CROT: variants seen among roughly 807,000 people sequenced by gnomAD.
CROT encodes carnitine O-octanoyltransferase, also known as peroxisomal carnitine O-octanoyltransferase.
In CROT, 84 loss-of-function variants were observed where a neutral mutation model predicts 89.2. That is an observed-to-expected ratio of 0.94 (90% confidence interval 0.79 to 1.13). The LOEUF (loss-of-function observed/expected upper bound fraction) is 1.13, where lower values mean the gene tolerates loss of function less well. Ranked by LOEUF, CROT falls within the 50% of genes most tolerant of loss-of-function variation. CROT has a pLI of 0.00. For synonymous variants in CROT, 212 were observed against 239.5 expected, an observed-to-expected ratio of 0.89 and a Z score of 1.06; for missense variants, 711 against 727.8, an observed-to-expected ratio of 0.98 and a Z score of 0.27.
chr7:87,379,478 C>A (rs576479333), intron 10 of CROT, among the ~76,000 whole-genome samples: 1 of 152,246 alleles, frequency 6.6e-6, no homozygotes, highest in East Asian at 1.9e-4. Flanking sequence ...CCCTCATCCC[C>A]AAGACCATCA....
intron 1 of CROT, 149 bp downstream of exon 1, chr7:87,345,916 T>C (rs11973839): frequency 0.05 from 7,756 of 155,482 alleles, 472 homozygotes; most frequent in African/African-American, 0.14. Flanking sequence ...AGGGGTACCC[T>C]CAAGGTTGGG....
chr7:87,374,877 A>G (rs1410286370), intron 7 of CROT, among the ~76,000 whole-genome samples: 1 of 151,854 alleles, frequency 6.6e-6, no homozygotes, highest in African/African-American at 2.4e-5. Flanking sequence ...TTCCTGAGAA[A>G]TCCTTGAAAG....
In CROT at chr7:87,391,693, T is replaced by C. The variant is rs752089748; in HGVS notation, c.1406T>C (p.Met469Thr). The C allele has an allele frequency of 1.2e-6, 2 of 1,609,610 alleles. No individual in the cohort carries two copies. Among genetic ancestry groups the C allele is most frequent in the East Asian group, 2.2e-5 (1 of 44,534 alleles). The change falls in exon 14 of 18, where the codon ATG (methionine) becomes ACG (threonine). Residue 469 changes from methionine to threonine, a missense_variant. Transcript: ENST00000331536. ...GAAGCAGTGAGGTGGTGCCAGTCCATGCAGGATCCTTCTGTCAATGTGAGT... is the reference window on the plus strand; with the variant it reads ...GAAGCAGTGAGGTGGTGCCAGTCCACGCAGGATCCTTCTGTCAATGTGAGT... ...TVEAVRWCQS[M>T]QDPSVNLRER... is the part of the protein sequence containing the mutation.
At chr7:87,366,028 C>G (rs1025299105) in intron 6 of CROT, among the ~76,000 whole-genome samples, 1 of 152,204 alleles carries the variant, frequency 6.6e-6, no homozygotes, top group African/African-American at 2.4e-5. Context: ...TATCCCTTGT[C>G]AGCTGGATTC....
chr7:87,361,349 A>G (rs563441866), intron 4 of CROT, 41 bp from the exon 5 acceptor site: 126 of 1,553,026 alleles, frequency 8.1e-5, no homozygotes, highest in South Asian at 1.5e-4. Flanking sequence ...ACATTCATGT[A>G]TTATGAAGAA....
chr7:87,359,205 G>A lies in CROT; in HGVS notation c.116-1G>A. ...CCTTAATACGTATTTTTCCTTTCTA[G>A]TGAAACCATTTGCAAATCAAGAAGA... is the stretch of plus-strand genomic sequence containing the variant. On this transcript the variant is annotated splice_acceptor_variant, in intron 3 of 17. Transcript: ENST00000331536. LOFTEE classifies it high-confidence loss of function. The A allele has an allele frequency of 6.4e-7, 1 of 1,565,474 alleles. No homozygotes were observed. The highest frequency in any genetic ancestry group is 8.8e-7 in the Non-Finnish European group (1 of 1,140,538).
At chr7:87,358,083 G>A (rs957913850) in intron 3 of CROT, among the ~76,000 whole-genome samples, 1 of 152,188 alleles carries the variant, frequency 6.6e-6, no homozygotes, top group Non-Finnish European at 1.5e-5. Context: ...AACACTGTTA[G>A]AAGTTGAAGG....
chr7:87,351,132 C>T (rs749852436), intron 3 of CROT, among the ~76,000 whole-genome samples: 1 of 151,520 alleles, frequency 6.6e-6, no homozygotes, highest in Non-Finnish European at 1.5e-5. Flanking sequence ...CACGGTGAAA[C>T]CCCGTCTCTA....
chr7:87,397,225 C>A (rs960126066), intron 17 of CROT, among the ~76,000 whole-genome samples: 4 of 151,926 alleles, frequency 2.6e-5, no homozygotes, highest in Non-Finnish European at 5.9e-5. Context: ...GTAGCACACA[C>A]CTGTAGTCTG....
intron 13 of CROT, among the ~76,000 whole-genome samples, chr7:87,385,513 A>G (rs965121894): frequency 2.0e-5 from 3 of 152,120 alleles, no homozygotes; most frequent in Non-Finnish European, 2.9e-5. Flanking sequence ...GCATATAGAA[A>G]TGCTACTGAT....
intron 17 of CROT, among the ~76,000 whole-genome samples, chr7:87,397,240 A>G (rs1457404919): frequency 6.6e-6 from 1 of 152,012 alleles, no homozygotes; most frequent in African/African-American, 2.4e-5. Flanking sequence ...AGTCTGAGTT[A>G]CTTGGGAACC....
At chr7:87,359,524 G>C in intron 4 of CROT, 194 bp downstream of exon 4, 4 of 1,330,200 alleles carry the variant, frequency 3.0e-6, no homozygotes, top group Non-Finnish European at 3.8e-6. Context: ...TTAAAATGCA[G>C]ATTTGCTGGG....
At chr7:87,393,494 A>G (rs540369127) in intron 17 of CROT, among the ~76,000 whole-genome samples, 7 of 152,338 alleles carry the variant, frequency 4.6e-5, no homozygotes, top group Admixed American at 2.0e-4. Flanking sequence ...TTACCAATTC[A>G]GATGCAGTTC....
chr7:87,379,473 A>T (rs558123683), intron 10 of CROT, among the ~76,000 whole-genome samples: 1 of 152,200 alleles, frequency 6.6e-6, no homozygotes, highest in African/African-American at 2.4e-5. Context: ...TCCGTCCCTC[A>T]TCCCCAAGAC....
At chr7:87,365,394 G>T (rs1290184376) in intron 6 of CROT, among the ~76,000 whole-genome samples, 2 of 151,918 alleles carry the variant, frequency 1.3e-5, no homozygotes, top group African/African-American at 2.4e-5. Context: ...GGAAGCTGAG[G>T]CAGGAGAATC....
chr7:87,360,602 A>G (rs1044184929), intron 4 of CROT, among the ~76,000 whole-genome samples: 4 of 152,154 alleles, frequency 2.6e-5, no homozygotes, highest in Admixed American at 2.0e-4. Flanking sequence ...CCGCCTCCCA[A>G]AGTGCTGGGA....
At position 87,345,787 on chromosome 7, in the gene CROT, C is replaced by A; in HGVS notation, c.-113+20C>A. On this transcript the variant is annotated intron_variant, in intron 1 of 17. Transcript: ENST00000331536. ...GGACAGGTCCGTTGAAGCAGCATTC[C>A]CTCCCTCCCCTAATCCTTCAACTCG... is the stretch of plus-strand genomic sequence containing the variant. 1 of 262,014 alleles carries A rather than the reference C, an allele frequency of 3.8e-6. No individual in the cohort carries two copies. The highest frequency in any genetic ancestry group is 7.2e-6 in the Non-Finnish European group (1 of 139,734). 16.2% of individuals were successfully genotyped at this position (262,014 alleles called of 1,614,324 possible).
chr7:87,377,563 T>A (rs1806850571), intron 10 of CROT, 113 bp downstream of exon 10: 2 of 632,224 alleles, frequency 3.2e-6, no homozygotes, highest in East Asian at 5.7e-5. Flanking sequence ...TTTAGTTTTA[T>A]GGCACTGTGG....
chr7:87,397,249 C>T (rs764156764), intron 17 of CROT, among the ~76,000 whole-genome samples: 1 of 151,946 alleles, frequency 6.6e-6, no homozygotes, highest in Non-Finnish European at 1.5e-5. Context: ...TACTTGGGAA[C>T]CTGAGGCACG....
Sources: allele counts gnomAD v4.1 joint callset (sites outside exome capture counted in the v4.1 genomes callset), GRCh38; gene constraint gnomAD v4.1.1; transcripts MANE v1.5; gene names NCBI Gene and HGNC (gene_info 2026-07-23, HGNC 2026-07-21).